Variants in DNER observed in about 807,000 individuals in gnomAD.
The protein encoded by DNER is delta and Notch-like epidermal growth factor-related receptor.
Under a neutral mutation model 78.2 loss-of-function variants are expected in DNER, and 33 were observed. That is an observed-to-expected ratio of 0.42 (90% CI 0.32 to 0.56). The LOEUF (loss-of-function observed/expected upper bound fraction) is 0.56. DNER is among the 20% of genes least tolerant of loss of function. The pLI, the probability that DNER is intolerant of heterozygous loss-of-function variation, is 0.11. For synonymous variants in DNER, 417 were observed against 384.8 expected (o/e 1.08, Z -0.98); for missense variants, 918 against 975.3 (o/e 0.94, Z 0.78).
intron 11 of DNER, among the ~76,000 whole-genome samples, chr2:229,380,549 T>G (rs1466446810): frequency 6.6e-6 from 1 of 152,198 alleles, no homozygotes. Context: ...TCTTCGGCTA[T>G]GAAAGATCAA....
chr2:229,537,607 TC>T (rs1160033388), intron 5 of DNER, among the ~76,000 whole-genome samples: 1 of 152,166 alleles, frequency 6.6e-6, no homozygotes, highest in African/African-American at 2.4e-5. Flanking sequence ...CATGATACAA[TC>T]CTTGCCCTAA....
At chr2:229,698,646 G>A (rs1312669630) in intron 1 of DNER, among the ~76,000 whole-genome samples, 1 of 152,140 alleles carries the variant, frequency 6.6e-6, no homozygotes, top group Non-Finnish European at 1.5e-5. Flanking sequence ...GAGACAAAAA[G>A]AAAGGTGACT....
intron 9 of DNER, among the ~76,000 whole-genome samples, chr2:229,413,971 C>G (rs141811842): frequency 2.0e-5 from 3 of 151,800 alleles, no homozygotes; most frequent in Non-Finnish European, 4.4e-5. Flanking sequence ...TACAGACATA[C>G]GATATGTAAA....
Position 229,702,887 on chromosome 2 carries a change from A to C in DNER, c.276+11261T>G, listed in dbSNP as rs112400279. On this transcript the variant is annotated intron_variant, in intron 1 of 12. Transcript: ENST00000341772. ...AGCTGAGACCGTGCCACTGCACTCCAGCCTGGGGGACACAGCGAGACTCCG... is the reference window on the plus strand; with the variant it reads ...AGCTGAGACCGTGCCACTGCACTCCCGCCTGGGGGACACAGCGAGACTCCG... Among the ~76,000 whole-genome samples, 71 of 141,208 alleles carry C rather than the reference A, an allele frequency of 5.0e-4. 1 individual carries two copies. Among genetic ancestry groups the C allele is most frequent in the African/African-American group, 1.6e-3 (62 of 37,580 alleles). 92.6% of individuals were successfully genotyped at this position (141,208 alleles called of 152,430 possible).
At chr2:229,451,740 C>A (rs1295062699) in intron 7 of DNER, among the ~76,000 whole-genome samples, 1 of 152,114 alleles carries the variant, frequency 6.6e-6, no homozygotes, top group Non-Finnish European at 1.5e-5. Context: ...AAGTGAATGA[C>A]CAACCAATTA....
At chr2:229,562,036 A>G (rs1363521104) in intron 4 of DNER, among the ~76,000 whole-genome samples, 1 of 152,186 alleles carries the variant, frequency 6.6e-6, no homozygotes, top group African/African-American at 2.4e-5. Context: ...AGAGCACACA[A>G]GTGTACTCTA....
intron 5 of DNER, among the ~76,000 whole-genome samples, chr2:229,540,934 A>G (rs1338938919): frequency 1.3e-5 from 2 of 152,216 alleles, no homozygotes; most frequent in Non-Finnish European, 1.5e-5. Context: ...TGGAGGCCTG[A>G]TCCCATTTAC....
intron 4 of DNER, among the ~76,000 whole-genome samples, chr2:229,558,023 T>C (rs564627367): frequency 6.6e-6 from 1 of 152,184 alleles, no homozygotes; most frequent in African/African-American, 2.4e-5. Flanking sequence ...GTGGTACATA[T>C]GCACCATGGA....
At chr2:229,562,618 C>T (rs1028643774) in intron 4 of DNER, among the ~76,000 whole-genome samples, 2 of 152,074 alleles carry the variant, frequency 1.3e-5, no homozygotes, top group African/African-American at 4.8e-5. Context: ...ATACCAGGCT[C>T]CTGTGCTGAC....
intron 1 of DNER, among the ~76,000 whole-genome samples, chr2:229,669,659 T>A (rs1699173450): frequency 6.6e-6 from 1 of 152,178 alleles, no homozygotes; most frequent in Non-Finnish European, 1.5e-5. Flanking sequence ...CTAGGTATTT[T>A]ATTCTTTTTG....
chr2:229,448,223 A>C (rs576635866), intron 7 of DNER, among the ~76,000 whole-genome samples: 18 of 152,388 alleles, frequency 1.2e-4, no homozygotes, highest in African/African-American at 4.3e-4. Context: ...GTATGACATG[A>C]ATGAATGTCA....
At chr2:229,571,178 C>T (rs1489962215) in intron 4 of DNER, among the ~76,000 whole-genome samples, 2 of 151,948 alleles carry the variant, frequency 1.3e-5, no homozygotes, top group African/African-American at 4.8e-5. Context: ...AGTTTGAGCC[C>T]GAGTGTCCTT....
chr2:229,385,922 T>TC (rs1162654362), intron 11 of DNER, among the ~76,000 whole-genome samples: 7 of 151,880 alleles, frequency 4.6e-5, no homozygotes, highest in African/African-American at 1.5e-4. Flanking sequence ...TTCAATGCTA[T>TC]CCCCACCGAG....
chr2:229,621,538 C>A (rs895094725), intron 1 of DNER, among the ~76,000 whole-genome samples: 2 of 152,056 alleles, frequency 1.3e-5, no homozygotes, highest in African/African-American at 4.8e-5. Context: ...CCTGGATGCA[C>A]CTGGCCTCAC....
chr2:229,568,991 G>A (rs926307617), intron 4 of DNER, among the ~76,000 whole-genome samples: 1 of 152,170 alleles, frequency 6.6e-6, no homozygotes, highest in Non-Finnish European at 1.5e-5. Flanking sequence ...ATCTATGTGT[G>A]TGCATATACA....
At chr2:229,689,885 T>TA (rs1416406967) in intron 1 of DNER, among the ~76,000 whole-genome samples, 3 of 152,212 alleles carry the variant, frequency 2.0e-5, no homozygotes, top group African/African-American at 7.2e-5. Flanking sequence ...ATGCCCCATC[T>TA]AGAACTCTCT....
intron 8 of DNER, among the ~76,000 whole-genome samples, chr2:229,444,462 A>G (rs189645172): frequency 3.5e-4 from 54 of 152,368 alleles, no homozygotes; most frequent in African/African-American, 1.1e-3. Context: ...CAATGTGGAA[A>G]GAGAAACATC....
rs181755276 is a variant in DNER at position 229,662,867 on chromosome 2, T to C, written c.276+51281A>G. ...GCCATAAGGAAGACCAGTTCTCACATTGGACTAAACAAAAATAAGAAACTG... is the reference window on the plus strand; with the variant it reads ...GCCATAAGGAAGACCAGTTCTCACACTGGACTAAACAAAAATAAGAAACTG... On this transcript the variant is annotated intron_variant, in intron 1 of 12. Transcript: ENST00000341772. Among the ~76,000 whole-genome samples, 10 of 152,284 alleles carry C rather than the reference T, an allele frequency of 6.6e-5. No individual in the cohort carries two copies. In the East Asian group the frequency reaches 9.6e-4, roughly 15 times the overall value.
chr2:229,705,744 A>G (rs185325631), intron 1 of DNER, among the ~76,000 whole-genome samples: 1 of 152,354 alleles, frequency 6.6e-6, no homozygotes, highest in East Asian at 1.9e-4. Context: ...TTGTGTTTAT[A>G]GAGGGCCAGT....
Sources: gnomAD v4.1 joint callset for allele counts (sites outside exome capture counted in the v4.1 genomes callset) on GRCh38, gnomAD v4.1.1 for gene constraint, MANE v1.5 for transcripts, NCBI Gene and HGNC (gene_info 2026-07-23, HGNC 2026-07-21) for gene names.